Variants in RTTN observed in about 807,000 individuals in gnomAD.
The protein encoded by RTTN is rotatin.
A neutral mutation model predicts 269.2 loss-of-function variants in RTTN; 182 were observed. The observed-to-expected ratio is 0.68, with a 90% confidence interval of 0.60 to 0.76. The LOEUF is 0.76. RTTN is among the 30% of genes least tolerant of loss of function. The probability of loss-of-function intolerance (pLI) is 0.00; values close to 1 mark genes in which losing one functional copy is unlikely to be tolerated. For synonymous variants in RTTN, 1,006 were observed against 963.5 expected (o/e 1.04, Z -0.82); for missense variants, 2,545 against 2,608.6 (o/e 0.98, Z 0.53).
chr18:70,004,614 G>A (rs1242566560), intron 48 of RTTN, among the ~76,000 whole-genome samples: 1 of 150,094 alleles, frequency 6.7e-6, no homozygotes, highest in Non-Finnish European at 1.5e-5. Context: ...AACCTCCCCT[G>A]CTTAAAAAAA....
intron 46 of RTTN, among the ~76,000 whole-genome samples, chr18:70,011,105 C>G (rs1298568774): frequency 1.3e-5 from 2 of 151,960 alleles, no homozygotes; most frequent in African/African-American, 4.8e-5. Context: ...AATAGCCTAC[C>G]AACCAAAAAA....
chr18:70,031,314 G>C (rs1346982372), intron 40 of RTTN: 1 of 401,288 alleles, frequency 2.5e-6, no homozygotes, highest in Admixed American at 4.3e-5. Context: ...TATTAAAATG[G>C]GTCCTTGTAA....
chr18:70,120,522 A>G (rs1469309166), intron 26 of RTTN, among the ~76,000 whole-genome samples: 1 of 152,178 alleles, frequency 6.6e-6, no homozygotes, highest in African/African-American at 2.4e-5. Flanking sequence ...TATTTGCCTT[A>G]TAAGATCCAC....
chr18:70,202,028 C>T, intron 3 of RTTN, 45 bp from the exon 4 acceptor site: 1 of 1,106,394 alleles, frequency 9.0e-7, no homozygotes, highest in Non-Finnish European at 1.4e-6. Context: ...TCCTTATTTG[C>T]TAAAAGTGAA....
At chr18:70,052,093 G>T (rs1292196024) in intron 38 of RTTN, among the ~76,000 whole-genome samples, 1 of 152,180 alleles carries the variant, frequency 6.6e-6, no homozygotes, top group African/African-American at 2.4e-5. Flanking sequence ...TATGGCTAAG[G>T]ATGTAGCAAT....
At position 70,092,235 on chromosome 18, in the gene RTTN, G is replaced by A; in HGVS notation, c.4033-15C>T. On this transcript the variant is annotated splice_polypyrimidine_tract_variant and intron_variant, in intron 29 of 48. Transcript: ENST00000640769. The stretch of plus-strand genomic sequence containing the variant: ...GACATCCACTCCTAGAGGGAAAAAA[G>A]GGAAACAGAAATATTTGAGGTAAGT... 1 of 1,474,670 alleles carries A rather than the reference G, an allele frequency of 6.8e-7. No homozygotes were observed. Among genetic ancestry groups the A allele is most frequent in the South Asian group, 1.2e-5 (1 of 86,308 alleles). The allele number at this position is 1,474,670 out of a possible 1,614,324, so 91.3% of individuals were successfully genotyped here.
intron 46 of RTTN, among the ~76,000 whole-genome samples, chr18:70,013,099 C>T (rs747746371): frequency 5.9e-5 from 9 of 152,060 alleles, no homozygotes; most frequent in Admixed American, 2.0e-4. Flanking sequence ...CTTTGGTTGT[C>T]GTGTATCATA....
Position 70,055,431 on chromosome 18 carries a change from T to C in RTTN, c.5032-1147A>G, listed in dbSNP as rs117032157. On this transcript the variant is annotated intron_variant, in intron 37 of 48. Transcript: ENST00000640769. ...GTGGAGTATGTGTCTCTGAGGTCAA[T>C]GGTCTCAGACTATTTACAAATAGTT... 3.0e-3 allele frequency among the ~76,000 whole-genome samples: 454 copies of C among 152,288 alleles called. 1 individual carries two copies. Among genetic ancestry groups the C allele is most frequent in the Non-Finnish European group, 4.8e-3 (327 of 68,026 alleles).
intron 40 of RTTN, among the ~76,000 whole-genome samples, chr18:70,032,829 C>G (rs139621102): frequency 3.9e-5 from 6 of 152,318 alleles, no homozygotes; most frequent in Non-Finnish European, 7.3e-5. Context: ...CCAAATGGAT[C>G]TGATAGACAT....
At position 70,114,697 on chromosome 18, in the gene RTTN, T is replaced by C. The variant is rs1198261640; in HGVS notation, c.3529-98A>G. 3 of 999,768 alleles carry C rather than the reference T, an allele frequency of 3.0e-6. No individual in the cohort carries two copies. The East Asian group carries it at 8.0e-5, about 27-fold the overall frequency. 61.9% of individuals were successfully genotyped at this position (999,768 alleles called of 1,614,324 possible). A position where few individuals can be genotyped will look rare whatever the true frequency, so the allele number is the denominator to read the frequency against. Reference sequence around the variant, plus strand: ...GCTAAGCAAGTTCTAGTAAGAGCTATATTACCTAACTAGTAGGTGTGGGCC... The same window carrying C: ...GCTAAGCAAGTTCTAGTAAGAGCTACATTACCTAACTAGTAGGTGTGGGCC... On this transcript the variant is annotated intron_variant, in intron 26 of 48. Transcript: ENST00000640769.
intron 11 of RTTN, among the ~76,000 whole-genome samples, chr18:70,172,173 A>C (rs1002308558): frequency 1.4e-4 from 22 of 152,204 alleles, no homozygotes; most frequent in African/African-American, 5.3e-4. Context: ...ATTTTTCAGA[A>C]GATTACCAAC....
At chr18:70,132,026 A>G (rs2060011146) in intron 23 of RTTN, 1 of 152,078 alleles carries the variant, frequency 6.6e-6, no homozygotes, top group Non-Finnish European at 1.5e-5. Flanking sequence ...ACCACTAACC[A>G]AATAAAAGCT....
chr18:70,023,228 A>G (rs1030604485), intron 44 of RTTN, among the ~76,000 whole-genome samples: 4 of 152,204 alleles, frequency 2.6e-5, no homozygotes. Context: ...ACTCTGAGCG[A>G]GGACCACCCA....
intron 16 of RTTN, 115 bp downstream of exon 16, chr18:70,149,856 A>C: frequency 3.8e-6 from 3 of 792,736 alleles, no homozygotes; most frequent in Middle Eastern, 3.7e-4. Flanking sequence ...CAGCGCCTTC[A>C]CAGCTTCTCT....
intron 14 of RTTN, among the ~76,000 whole-genome samples, chr18:70,162,627 C>T (rs1036679287): frequency 6.6e-6 from 1 of 152,088 alleles, no homozygotes; most frequent in Non-Finnish European, 1.5e-5. Context: ...ATGGGGGAAA[C>T]TGCCCCCATG....
chr18:70,184,351 C>T (rs186174432), intron 10 of RTTN, among the ~76,000 whole-genome samples: 204 of 151,970 alleles, frequency 1.3e-3, no homozygotes, highest in African/African-American at 4.3e-3. Flanking sequence ...GTCAGGAGTT[C>T]GAGACCAGCC....
At chr18:70,205,476 C>A (rs1400112619) in intron 1 of RTTN, 152 bp downstream of exon 1, 3 of 1,322,996 alleles carry the variant, frequency 2.3e-6, no homozygotes, top group Non-Finnish European at 3.2e-6. Context: ...TACACAAAGT[C>A]CGAGATGGGT....
intron 33 of RTTN, among the ~76,000 whole-genome samples, chr18:70,074,242 T>C (rs891081236): frequency 1.8e-4 from 27 of 152,034 alleles, no homozygotes; most frequent in Non-Finnish European, 7.4e-5. Flanking sequence ...GAGGCTCCAA[T>C]ACCCCAGGTC....
Position 70,160,671 on chromosome 18 carries a change from A to G in RTTN, c.1929+5391T>C, listed in dbSNP as rs1000121108. On this transcript the variant is annotated intron_variant, in intron 14 of 48. Coordinates refer to ENST00000640769, the MANE Select transcript of RTTN (RefSeq NM_173630.4). ...ATTCTATACCTGAAAAAAAAAAAAA[A>G]AAAAGAAAAAACCATATTCTCTGCC... Among the ~76,000 whole-genome samples the G allele has an allele frequency of 1.4e-3, 207 of 151,860 alleles. 3 individuals carry two copies. The highest frequency in any genetic ancestry group is 4.6e-4 in the Non-Finnish European group (31 of 67,918).
Sources: allele counts gnomAD v4.1 joint callset (sites outside exome capture counted in the v4.1 genomes callset), GRCh38; gene constraint gnomAD v4.1.1; transcripts MANE v1.5; gene names NCBI Gene and HGNC (gene_info 2026-07-23, HGNC 2026-07-21).